The following TRPM3 variants were observed in gnomAD, a reference collection of about 807,000 sequenced individuals.
The protein encoded by TRPM3 is long transient receptor potential channel 3.
Under a neutral mutation model 181.2 loss-of-function variants are expected in TRPM3, and 77 were observed. That is an observed-to-expected ratio of 0.42 (90% CI 0.35 to 0.51). The LOEUF is 0.51. Ranked by LOEUF, TRPM3 falls within the 20% of genes least tolerant of loss-of-function variation. The pLI, the probability that TRPM3 is intolerant of heterozygous loss-of-function variation, is 0.01. For missense variants in TRPM3, 1,759 were observed against 2,196.7 expected, an observed-to-expected ratio of 0.80 and a Z score of 3.98; for synonymous variants, 745 against 796.4, an observed-to-expected ratio of 0.94 and a Z score of 1.09.
intron 1 of TRPM3, among the ~76,000 whole-genome samples, chr9:70,890,309 G>T (rs1044296844): frequency 6.6e-6 from 1 of 151,782 alleles, no homozygotes; most frequent in Non-Finnish European, 1.5e-5. Flanking sequence ...TTACAAAACA[G>T]AACAAAGAGA....
chr9:71,428,940 T>A (rs1269401666), intron 1 of TRPM3, among the ~76,000 whole-genome samples: 2 of 103,158 alleles, frequency 1.9e-5, no homozygotes, highest in East Asian at 5.5e-4. Context: ...TGGGACCCTG[T>A]TTCAAAGGAA....
rs369882534 is a variant in TRPM3, at chr9:71,175,983, CAT to C, written c.183+270668_183+270669del. On this transcript the variant is annotated intron_variant, in intron 1 of 24. Transcript: ENST00000357533. ...ATGTCATTGTGCAATGCATTACTCACATGTTTGTGGTGATCTTGGTGTAAACA... is the reference window on the plus strand; with the variant it reads ...ATGTCATTGTGCAATGCATTACTCACGTTTGTGGTGATCTTGGTGTAAACA... Among the ~76,000 whole-genome samples, 20 of 152,220 alleles carry C rather than the reference CAT, an allele frequency of 1.3e-4. No individual in the cohort carries two copies. The East Asian group carries it at 2.7e-3, about 21-fold the overall frequency.
intron 1 of TRPM3, among the ~76,000 whole-genome samples, chr9:71,023,574 A>C (rs1398517510): frequency 6.6e-6 from 1 of 152,186 alleles, no homozygotes; most frequent in African/African-American, 2.4e-5. Flanking sequence ...CCAAAGTGGA[A>C]ACAACCCAGA....
chr9:70,869,118 T>A (rs2095727755), intron 1 of TRPM3: 1 of 933,824 alleles, frequency 1.1e-6, no homozygotes, highest in Non-Finnish European at 1.3e-6. Flanking sequence ...AAAAAGTCAC[T>A]TGTTCGGCTC....
At chr9:71,142,233 A>G (rs1295239792) in intron 1 of TRPM3, among the ~76,000 whole-genome samples, 1 of 152,196 alleles carries the variant, frequency 6.6e-6, no homozygotes, top group Non-Finnish European at 1.5e-5. Flanking sequence ...TGAGCTGGTC[A>G]GTCTCTTGGC....
chr9:70,910,639 G>A (rs3010447), intron 1 of TRPM3, among the ~76,000 whole-genome samples: 81,508 of 151,906 alleles, frequency 0.54, 22,460 homozygotes, highest in African/African-American at 0.63. Context: ...CACTTTCTAT[G>A]CTCTTCAGCT....
Position 71,128,282 on chromosome 9 carries a change from T to G in TRPM3, c.184-263771A>C, listed in dbSNP as rs1282030743. Among the ~76,000 whole-genome samples, 4 of 152,202 alleles carry G rather than the reference T, an allele frequency of 2.6e-5. No homozygotes were observed. In the East Asian group the frequency reaches 7.7e-4, roughly 29 times the overall value. On this transcript the variant is annotated intron_variant, in intron 1 of 24. Transcript: ENST00000357533. ...TCACTTTGGAAAAGACAAAGGTATATAAGCAGCTTCCACCTTACCAAAAAT... is the reference window on the plus strand; with the variant it reads ...TCACTTTGGAAAAGACAAAGGTATAGAAGCAGCTTCCACCTTACCAAAAAT...
At chr9:70,963,603 G>A (rs539216185) in intron 1 of TRPM3, among the ~76,000 whole-genome samples, 5 of 152,142 alleles carry the variant, frequency 3.3e-5, no homozygotes, top group Admixed American at 6.6e-5. Flanking sequence ...TATTTTGTGC[G>A]CTTTTTGCAA....
intron 1 of TRPM3, among the ~76,000 whole-genome samples, chr9:71,009,542 C>G (rs2097714269): frequency 6.6e-6 from 1 of 151,998 alleles, no homozygotes; most frequent in Non-Finnish European, 1.5e-5. Context: ...TGAAAGACCT[C>G]TACAATAAAA....
intron 1 of TRPM3, among the ~76,000 whole-genome samples, chr9:71,046,115 C>T (rs943607725): frequency 1.4e-4 from 21 of 151,810 alleles, no homozygotes; most frequent in Non-Finnish European, 4.4e-5. Flanking sequence ...CTCAGCCTCC[C>T]GAGTAGCTGC....
intron 3 of TRPM3, among the ~76,000 whole-genome samples, chr9:70,850,661 A>G (rs575692402): frequency 3.8e-4 from 58 of 152,324 alleles, no homozygotes; most frequent in Non-Finnish European, 6.5e-4. Flanking sequence ...CTACTTGAGT[A>G]GTGTGGTTTA....
chr9:71,202,263 C>A (rs1477735839), intron 1 of TRPM3, among the ~76,000 whole-genome samples: 1 of 151,994 alleles, frequency 6.6e-6, no homozygotes, highest in Non-Finnish European at 1.5e-5. Context: ...CCCAGTTAGG[C>A]TGCTCGGGGG....
chr9:71,275,824 G>A (rs1198588987), intron 1 of TRPM3, among the ~76,000 whole-genome samples: 2 of 150,098 alleles, frequency 1.3e-5, no homozygotes, highest in Non-Finnish European at 3.0e-5. Flanking sequence ...TCATAATGTA[G>A]ATCAATGGAG....
chr9:71,351,259 T>C lies in TRPM3; in HGVS notation c.183+95394A>G, dbSNP rs117885033. 3.5e-3 allele frequency among the ~76,000 whole-genome samples: 540 copies of C among 152,336 alleles called. 1 individual carries two copies. Among genetic ancestry groups the C allele is most frequent in the Non-Finnish European group, 6.2e-3 (424 of 68,024 alleles). ...GGCTTTATTATGGCTAACCAGCTAC[T>C]ATCTATTTAGAAAATCAGCCTTAGT... On this transcript the variant is annotated intron_variant, in intron 1 of 24. Coordinates refer to the TRPM3 transcript ENST00000357533.
rs1014543053 is a variant in TRPM3 at position 70,534,158 on chromosome 9, G to A, written c.*1795C>T. 16 of 152,190 alleles carry A rather than the reference G, an allele frequency of 1.1e-4. No individual in the cohort carries two copies. The highest frequency in any genetic ancestry group is 3.9e-4 in the African/African-American group (16 of 41,542). The allele number at this position is 152,190 out of a possible 1,614,324, so 9.4% of individuals were successfully genotyped here. Reference sequence around the variant, plus strand: ...TCTAGAAGATTATGCCTCTACTTTAGAGTCTGTAACACTAGCTGGTTTAAA... The same window carrying A: ...TCTAGAAGATTATGCCTCTACTTTAAAGTCTGTAACACTAGCTGGTTTAAA... On this transcript the variant is annotated 3_prime_UTR_variant, in exon 26 of 26. Coordinates refer to ENST00000677713, the MANE Select transcript of TRPM3 (RefSeq NM_001366145.2).
At chr9:71,095,433 A>C (rs2066979752) in intron 1 of TRPM3, among the ~76,000 whole-genome samples, 1 of 152,050 alleles carries the variant, frequency 6.6e-6, no homozygotes, top group Non-Finnish European at 1.5e-5. Flanking sequence ...CTTACCACAA[A>C]TCTTAAACAG....
chr9:70,783,407 T>A (rs998161057), intron 7 of TRPM3, among the ~76,000 whole-genome samples: 8 of 152,090 alleles, frequency 5.3e-5, no homozygotes, highest in African/African-American at 1.9e-4. Flanking sequence ...TCTAATAATC[T>A]GCAAGAGTGC....
rs555626564 is a variant in TRPM3 at position 71,139,607 on chromosome 9, G to A, written c.184-275096C>T. 2.8e-4 allele frequency among the ~76,000 whole-genome samples: 43 copies of A among 152,248 alleles called. 1 individual carries two copies. Among genetic ancestry groups the A allele is most frequent in the East Asian group, 1.9e-4 (1 of 5,178 alleles). ...AAAATTTTGTTGGTAGGAACTAGCC[G>A]ATTTTGCCATAGAAACTTTAACTTA... On this transcript the variant is annotated intron_variant, in intron 1 of 24. Transcript: ENST00000357533.
chr9:71,404,566 G>A (rs1007560063), intron 1 of TRPM3, among the ~76,000 whole-genome samples: 8 of 151,860 alleles, frequency 5.3e-5, no homozygotes, highest in East Asian at 3.9e-4. Context: ...GCCATCTCTC[G>A]GCTGGACTAA....
Sources: gnomAD v4.1 joint callset for allele counts (sites outside exome capture counted in the v4.1 genomes callset) on GRCh38, gnomAD v4.1.1 for gene constraint, MANE v1.5 for transcripts, NCBI Gene and HGNC (gene_info 2026-07-23, HGNC 2026-07-21) for gene names.